SIRPB1: variants seen among roughly 807,000 people sequenced by gnomAD.
The protein encoded by SIRPB1 is signal regulatory protein beta 1, also known as signal-regulatory protein beta-1.
Under a neutral mutation model 34.1 loss-of-function variants are expected in SIRPB1, and 28 were observed. That is an observed-to-expected ratio of 0.82 (90% CI 0.61 to 1.12). The LOEUF (loss-of-function observed/expected upper bound fraction) is 1.12. Among genes scored for constraint, SIRPB1 ranks in the 50% most tolerant of loss-of-function variants. The pLI is 0.00. For missense variants in SIRPB1, 499 were observed against 507.0 expected (o/e 0.98, Z 0.15); for synonymous variants, 211 against 203.8 (o/e 1.04, Z -0.30).
At chr20:1,570,693 G>A (rs1260487748) in intron 4 of SIRPB1, 112 bp downstream of exon 4, 40 of 938,010 alleles carry the variant, frequency 4.3e-5, no homozygotes, top group South Asian at 1.1e-4. Context: ...TAATGTAGAC[G>A]TTAAAATTCT....
chr20:1,594,530 C>T (rs2091452614), intron 1 of SIRPB1, among the ~76,000 whole-genome samples: 2 of 48,466 alleles, frequency 4.1e-5, no homozygotes, highest in Non-Finnish European at 7.9e-5. Context: ...ATATTTCGCC[C>T]CCACTCACGA....
At position 1,565,201 on chromosome 20, in the gene SIRPB1, C is replaced by T. The variant is rs1002942970; in HGVS notation, c.*299G>A. On this transcript the variant is annotated 3_prime_UTR_variant, in exon 6 of 6. Transcript: ENST00000381605. ...AGAGAGTCTGTGGTTTATGGCCAGT[C>T]CCAAGGCGACGGATGGGAGAAGTCC... 4 of 396,386 alleles carry T rather than the reference C, an allele frequency of 1.0e-5. No individual in the cohort carries two copies. The highest frequency in any genetic ancestry group is 6.2e-5 in the African/African-American group (3 of 48,524). 24.6% of individuals were successfully genotyped at this position (396,386 alleles called of 1,614,324 possible). A position where few individuals can be genotyped will look rare whatever the true frequency, so the allele number is the denominator to read the frequency against.
chr20:1,579,515 G>A (rs750813648), intron 1 of SIRPB1, among the ~76,000 whole-genome samples: 3 of 148,520 alleles, frequency 2.0e-5, no homozygotes, highest in African/African-American at 4.9e-5. Flanking sequence ...CGGAGACCAC[G>A]AGGCTCTGAT....
chr20:1,568,189 T>C (rs1334938792), intron 4 of SIRPB1, among the ~76,000 whole-genome samples: 2 of 152,152 alleles, frequency 1.3e-5, no homozygotes, highest in Non-Finnish European at 2.9e-5. Flanking sequence ...AAAGGAAAAG[T>C]AAATTCTACA....
intron 4 of SIRPB1, among the ~76,000 whole-genome samples, chr20:1,567,284 G>C (rs563589229): frequency 6.6e-6 from 1 of 152,204 alleles, no homozygotes; most frequent in East Asian, 1.9e-4. Context: ...CAGCCCACAT[G>C]AGAGATAGAC....
rs1293714861 is a variant in SIRPB1, at chr20:1,598,339, C to T, written c.77-19645G>A. 1.8e-4 allele frequency: 66 copies of T among 373,720 alleles called. 28 individuals carry two copies. The highest frequency in any genetic ancestry group is 2.0e-4 in the Non-Finnish European group (64 of 325,746). The allele number at this position is 373,720 out of a possible 1,614,324, so 23.2% of individuals were successfully genotyped here. A position where few individuals can be genotyped will look rare whatever the true frequency, so the allele number is the denominator to read the frequency against. On this transcript the variant is annotated intron_variant, in intron 1 of 5. Transcript: ENST00000381605. ...GGACTCTGCTGGCTCAGCCCTCCTCCTGAGTCTTGATGCCTCTCTCCTCAT... is the reference window on the plus strand; with the variant it reads ...GGACTCTGCTGGCTCAGCCCTCCTCTTGAGTCTTGATGCCTCTCTCCTCAT...
Position 1,565,292 on chromosome 20 carries a change from C to T in SIRPB1, c.*208G>A, listed in dbSNP as rs912379159. On this transcript the variant is annotated 3_prime_UTR_variant, in exon 6 of 6. Transcript: ENST00000381605. ...GGTGCCATGAGTCAGTGCCCAGAGCCCAATCCCATGGCCCCTGCTCAGGAC... is the reference window on the plus strand; with the variant it reads ...GGTGCCATGAGTCAGTGCCCAGAGCTCAATCCCATGGCCCCTGCTCAGGAC... The T allele has an allele frequency of 1.1e-5, 4 of 358,426 alleles. No homozygotes were observed. The highest frequency in any genetic ancestry group is 2.0e-5 in the Non-Finnish European group (4 of 200,806). The allele number at this position is 358,426 out of a possible 1,614,324, so 22.2% of individuals were successfully genotyped here.
chr20:1,618,181 C>A (rs2091658772), intron 1 of SIRPB1, among the ~76,000 whole-genome samples: 1 of 152,178 alleles, frequency 6.6e-6, no homozygotes, highest in Non-Finnish European at 1.5e-5. Flanking sequence ...CCATAGAAAG[C>A]ATCCAACACA....
Position 1,571,709 on chromosome 20 carries a change from G to C in SIRPB1, c.751+11C>G, listed in dbSNP as rs111658454. 1 of 1,614,206 alleles carries C rather than the reference G, an allele frequency of 6.2e-7. No individual in the cohort carries two copies. Among genetic ancestry groups the C allele is most frequent in the Non-Finnish European group, 8.5e-7 (1 of 1,180,032 alleles). On this transcript the variant is annotated intron_variant, in intron 3 of 5. Coordinates refer to ENST00000381605, the MANE Select transcript of SIRPB1 (RefSeq NM_006065.5). ...AGGTGTGGGCTTGGGCTGGGTGTGA[G>C]GGTCTTCTACCTCGGATGGCCTCAG... is the stretch of plus-strand genomic sequence containing the variant.
Position 1,566,258 on chromosome 20 carries a change from A to G in SIRPB1, c.1094T>C (p.Leu365Pro). Reference protein sequence around the residue: ...HGSDITHEAALAPTAPLLVAL... With the variant: ...HGSDITHEAAPAPTAPLLVAL... ...TACGAGGAGTGGAGCAGTAGGAGCC[A>G]GCGCTGCTTCTGGAAATCAGGGAAG... Residue 365 changes from leucine to proline, a missense_variant, in exon 5 of 6, where the codon CTG (leucine) becomes CCG (proline). Transcript: ENST00000381605. 6.2e-7 allele frequency: 1 copy of G among 1,602,396 alleles called. No homozygotes were observed. The highest frequency in any genetic ancestry group is 1.1e-5 in the South Asian group (1 of 88,980).
chr20:1,618,761 G>A (rs2122345093), intron 1 of SIRPB1, among the ~76,000 whole-genome samples: 1 of 152,290 alleles, frequency 6.6e-6, no homozygotes, highest in Middle Eastern at 3.4e-3. Flanking sequence ...GGAGCTGTGA[G>A]CAGGGTTCTC....
chr20:1,574,757 A>T (rs1356625252), intron 2 of SIRPB1, among the ~76,000 whole-genome samples: 1 of 86,370 alleles, frequency 1.2e-5, no homozygotes, highest in African/African-American at 4.8e-5. Flanking sequence ...GACTCGGCCC[A>T]GTCTGTGAGG....
rs1302916136 is a variant in SIRPB1 at position 1,610,468 on chromosome 20, A to G, written c.76+9401T>C. Among the ~76,000 whole-genome samples the G allele has an allele frequency of 5.5e-5, 4 of 72,538 alleles. 2 individuals are homozygous for G. Among genetic ancestry groups the G allele is most frequent in the African/African-American group, 3.5e-4 (4 of 11,420 alleles). 47.6% of individuals were successfully genotyped at this position (72,538 alleles called of 152,430 possible). ...TGGTCTGAAGGTCCTTCCTGTGCTG[A>G]CATTCCATAATTCAGGACTTAGGAC... is the stretch of plus-strand genomic sequence containing the variant. On this transcript the variant is annotated intron_variant, in intron 1 of 5. Coordinates refer to ENST00000381605, the MANE Select transcript of SIRPB1 (RefSeq NM_006065.5).
Position 1,589,863 on chromosome 20 carries a change from A to G in SIRPB1, c.77-11169T>C, listed in dbSNP as rs1341399798. On this transcript the variant is annotated intron_variant, in intron 1 of 5. Coordinates refer to ENST00000381605, the MANE Select transcript of SIRPB1 (RefSeq NM_006065.5). ...GCATCCTGCTCCTTATAATCCACAA[A>G]TTAATTTGTTCTCTCACAATTTCCA... Among the ~76,000 whole-genome samples, 4 of 48,884 alleles carry G rather than the reference A, an allele frequency of 8.2e-5. 2 individuals are homozygous for G. Among genetic ancestry groups the G allele is most frequent in the Non-Finnish European group, 1.6e-4 (4 of 25,440 alleles). The allele number at this position is 48,884 out of a possible 152,430, so 32.1% of individuals were successfully genotyped here. A position where few individuals can be genotyped will look rare whatever the true frequency, so the allele number is the denominator to read the frequency against.
chr20:1,611,331 A>G lies in SIRPB1; in HGVS notation c.76+8538T>C. The G allele has an allele frequency of 3.6e-6, 3 of 836,360 alleles. 1 individual carries two copies. Among genetic ancestry groups the G allele is most frequent in the Non-Finnish European group, 4.7e-6 (3 of 631,852 alleles). 51.8% of individuals were successfully genotyped at this position (836,360 alleles called of 1,614,324 possible). A position where few individuals can be genotyped will look rare whatever the true frequency, so the allele number is the denominator to read the frequency against. On this transcript the variant is annotated intron_variant, in intron 1 of 5. Transcript: ENST00000381605. ...TTGAGTTATTGTCACACACTAGGGG[A>G]TGAAGGAAGCCCACGCTGTACTCAC... is the stretch of plus-strand genomic sequence containing the variant.
At chr20:1,573,303 A>G (rs2091268829) in intron 2 of SIRPB1, among the ~76,000 whole-genome samples, 1 of 76,766 alleles carries the variant, frequency 1.3e-5, no homozygotes, top group African/African-American at 5.0e-5. Flanking sequence ...TTAATTAATT[A>G]CAAGAGACAA....
In SIRPB1 at chr20:1,570,910, C is replaced by G. The variant is rs2091222462; in HGVS notation, c.979G>C (p.Val327Leu). The G allele has an allele frequency of 1.2e-6, 2 of 1,614,074 alleles. No homozygotes were observed. The highest frequency in any genetic ancestry group is 1.7e-6 in the Non-Finnish European group (2 of 1,180,020). Residue 327 changes from valine to leucine, a missense_variant, in exon 4 of 6, where the codon GTG becomes CTG. Coordinates refer to ENST00000381605, the MANE Select transcript of SIRPB1 (RefSeq NM_006065.5). ...VNTCAHRDDV[V>L]LTCQVEHDGQ... ...TCATGCTCCACCTGACAGGTGAGCACCACATCGTCCCTGTGGGCACAGGTG... is the reference window on the plus strand; with the variant it reads ...TCATGCTCCACCTGACAGGTGAGCAGCACATCGTCCCTGTGGGCACAGGTG...
intron 4 of SIRPB1, among the ~76,000 whole-genome samples, chr20:1,566,882 C>A (rs979435294): frequency 7.2e-5 from 11 of 152,070 alleles, no homozygotes; most frequent in Non-Finnish European, 1.5e-4. Flanking sequence ...ATTAAACCTG[C>A]TGGCTGGAAA....
intron 2 of SIRPB1, among the ~76,000 whole-genome samples, chr20:1,577,622 A>G (rs1600118615): frequency 6.8e-6 from 1 of 146,966 alleles, no homozygotes; most frequent in East Asian, 1.9e-4. Context: ...TAACTCTGTG[A>G]CTCAGTCCCC....
Sources: gnomAD v4.1 joint callset for allele counts (sites outside exome capture counted in the v4.1 genomes callset) on GRCh38, gnomAD v4.1.1 for gene constraint, MANE v1.5 for transcripts, NCBI Gene and HGNC (gene_info 2026-07-23, HGNC 2026-07-21) for gene names.